PRMT8: variants seen among roughly 807,000 people sequenced by gnomAD.
PRMT8 encodes protein arginine methyltransferase 8, also known as protein arginine N-methyltransferase 8.
PRMT8 carries 7 observed loss-of-function variants against 47.1 expected under a neutral mutation model. The ratio of observed to expected loss-of-function variants is 0.15; its 90% CI spans 0.08 to 0.28. PRMT8 has a LOEUF of 0.28. Ranked by LOEUF, PRMT8 falls within the 10% of genes least tolerant of loss-of-function variation. The pLI is 1.00. For synonymous variants in PRMT8, 188 were observed against 186.5 expected (o/e 1.01, Z -0.07); for missense variants, 237 against 505.4 (o/e 0.47, Z 5.09).
chr12:3,521,102 A>G (rs1865872877), intron 1 of PRMT8, among the ~76,000 whole-genome samples: 1 of 152,240 alleles, frequency 6.6e-6, no homozygotes, highest in African/African-American at 2.4e-5. Context: ...CCAATTTTCT[A>G]AAGAGAAAAA....
At position 3,439,234 on chromosome 12, in the gene PRMT8, T is replaced by G. The variant is rs1419427733; in HGVS notation, c.48+57792T>G. Among the ~76,000 whole-genome samples, 3 of 152,250 alleles carry G rather than the reference T, an allele frequency of 2.0e-5. No homozygotes were observed. The East Asian group carries it at 5.8e-4, about 29-fold the overall frequency. On this transcript the variant is annotated intron_variant, in intron 1 of 9. Transcript: ENST00000452611. ...TTATCTCAACTTTGTATGACTTGTT[T>G]TCACTTAAACTTGAATAAGTCTTGA...
Position 3,576,839 on chromosome 12 carries a change from G to A in PRMT8, c.713-32G>A, listed in dbSNP as rs372308805. 9 of 1,582,614 alleles carry A rather than the reference G, an allele frequency of 5.7e-6. No homozygotes were observed. Among genetic ancestry groups the A allele is most frequent in the African/African-American group, 1.3e-5 (1 of 74,304 alleles). On this transcript the variant is annotated intron_variant, in intron 6 of 9. Coordinates refer to ENST00000382622, the MANE Select transcript of PRMT8 (RefSeq NM_019854.5). The surrounding 1 kb of genome is among the most constrained non-coding windows in gnomAD (Gnocchi z 4.0). ...TTGGGTGAGCTTCTGGGGGTCCTGCGCCTGCCTTCACGTCTTGCTCTGCTC... is the reference window on the plus strand; with the variant it reads ...TTGGGTGAGCTTCTGGGGGTCCTGCACCTGCCTTCACGTCTTGCTCTGCTC...
At chr12:3,382,520 C>T (rs1342704675) in intron 1 of PRMT8, among the ~76,000 whole-genome samples, 10 of 152,214 alleles carry the variant, frequency 6.6e-5, no homozygotes, top group South Asian at 2.1e-4. Context: ...GCCATCTGTA[C>T]GTCCTCTTTG....
chr12:3,546,455 A>G (rs1482461168), intron 2 of PRMT8, among the ~76,000 whole-genome samples: 1 of 152,214 alleles, frequency 6.6e-6, no homozygotes, highest in Non-Finnish European at 1.5e-5. Context: ...TCAAGAAAAA[A>G]AGAGAAAACA....
chr12:3,473,807 C>T (rs957497840), intron 1 of PRMT8, among the ~76,000 whole-genome samples: 2 of 152,210 alleles, frequency 1.3e-5, no homozygotes, highest in East Asian at 3.8e-4. Context: ...CCAGCCCCGC[C>T]TTAGTTTAGC....
At chr12:3,511,888 G>A (rs1293899442) in intron 1 of PRMT8, among the ~76,000 whole-genome samples, 1 of 152,200 alleles carries the variant, frequency 6.6e-6, no homozygotes, top group Admixed American at 6.5e-5. Flanking sequence ...TGTAGTGCTG[G>A]ACCATTATTT....
At chr12:3,509,098 A>G (rs1865672977) in intron 1 of PRMT8, among the ~76,000 whole-genome samples, 1 of 152,122 alleles carries the variant, frequency 6.6e-6, no homozygotes, top group Non-Finnish European at 1.5e-5. Context: ...CAGCAGTGTG[A>G]GTGCATATTC....
At chr12:3,591,237 G>C (rs1867295307) in intron 8 of PRMT8, among the ~76,000 whole-genome samples, 1 of 152,018 alleles carries the variant, frequency 6.6e-6, no homozygotes, top group Admixed American at 6.5e-5. Flanking sequence ...CTATGGCTTT[G>C]GGTCATACAG....
intron 1 of PRMT8, among the ~76,000 whole-genome samples, chr12:3,451,218 T>A (rs555543734): frequency 1.3e-5 from 2 of 152,220 alleles, no homozygotes; most frequent in East Asian, 3.9e-4. Flanking sequence ...GAAGTAGTCA[T>A]GGATTCAAGA....
chr12:3,428,855 ACT>A (rs940323686), intron 1 of PRMT8, among the ~76,000 whole-genome samples: 3 of 77,280 alleles, frequency 3.9e-5, no homozygotes, highest in African/African-American at 1.6e-4. Context: ...TCTTACCTTG[ACT>A]CTCTCTTTGT....
intron 1 of PRMT8, among the ~76,000 whole-genome samples, chr12:3,446,743 G>C (rs1864859588): frequency 6.6e-6 from 1 of 152,190 alleles, no homozygotes; most frequent in Non-Finnish European, 1.5e-5. Flanking sequence ...CTGTTGGTGG[G>C]AATAGGTGGG....
Position 3,576,465 on chromosome 12 carries a change from G to A in PRMT8, c.713-406G>A, listed in dbSNP as rs576747433. On this transcript the variant is annotated intron_variant, in intron 6 of 9. Transcript: ENST00000382622. This position sits in a 1 kb window ranked among gnomAD's most constrained non-coding sequence, Gnocchi z 4.0. The stretch of plus-strand genomic sequence containing the variant: ...GTCTTCTAGGTGTGGAGAACAGCTC[G>A]AGACAGCATAGGAATGGGAACGTAG... 9.2e-5 allele frequency among the ~76,000 whole-genome samples: 14 copies of A among 152,304 alleles called. No individual in the cohort carries two copies. In the South Asian group the frequency reaches 1.7e-3, roughly 18 times the overall value.
chr12:3,558,390 T>A (rs1406018891), intron 4 of PRMT8, among the ~76,000 whole-genome samples: 2 of 152,144 alleles, frequency 1.3e-5, no homozygotes, highest in Admixed American at 6.5e-5. Flanking sequence ...CTGAATACAT[T>A]AGTGTGCATT....
At chr12:3,403,619 A>G (rs1460156371) in intron 1 of PRMT8, among the ~76,000 whole-genome samples, 4 of 151,956 alleles carry the variant, frequency 2.6e-5, no homozygotes. Context: ...GTGGCTCACG[A>G]CTGTAATCCC....
At chr12:3,586,315 T>C (rs74056244) in intron 8 of PRMT8, among the ~76,000 whole-genome samples, 2,476 of 152,238 alleles carry the variant, frequency 0.016, 63 homozygotes, top group African/African-American at 0.056. Flanking sequence ...GCCCTGAGTG[T>C]TGAAGGCTCT....
chr12:3,526,332 A>G (rs1467603125), intron 1 of PRMT8, among the ~76,000 whole-genome samples: 1 of 152,198 alleles, frequency 6.6e-6, no homozygotes, highest in Non-Finnish European at 1.5e-5. Flanking sequence ...GTGGGTGTAC[A>G]AATATCTCTT....
chr12:3,495,639 A>G (rs968558167), intron 1 of PRMT8, among the ~76,000 whole-genome samples: 10 of 152,266 alleles, frequency 6.6e-5, no homozygotes, highest in African/African-American at 1.2e-4. Flanking sequence ...TTGTGTGTCT[A>G]TTTATATGTC....
intron 1 of PRMT8, among the ~76,000 whole-genome samples, chr12:3,390,081 G>C (rs74055682): frequency 0.02 from 3,004 of 152,348 alleles, 92 homozygotes; most frequent in African/African-American, 0.068. Context: ...AGAGAGTGGG[G>C]AGAAGAAGTG....
chr12:3,428,644 T>A, intron 1 of PRMT8, among the ~76,000 whole-genome samples: 1 of 122,162 alleles, frequency 8.2e-6, no homozygotes, highest in Admixed American at 7.6e-5. Flanking sequence ...TAGGGTACAC[T>A]TTTTTTTTTT....
Sources: allele counts gnomAD v4.1 joint callset (sites outside exome capture counted in the v4.1 genomes callset), GRCh38; gene constraint gnomAD v4.1.1; non-coding constraint Gnocchi (gnomAD v3.1); transcripts MANE v1.5; gene names NCBI Gene and HGNC (gene_info 2026-07-23, HGNC 2026-07-21).